The following PYGO2 variants were observed in gnomAD, a reference collection of about 807,000 sequenced individuals.
The protein encoded by PYGO2 is pygopus family PHD finger 2.
PYGO2 carries 9 observed loss-of-function variants against 26.7 expected under a neutral mutation model. The observed-to-expected ratio is 0.34, with a 90% CI of 0.20 to 0.59. PYGO2 has a LOEUF of 0.59. Ranked by LOEUF, PYGO2 falls within the 20% of genes least tolerant of loss-of-function variation. PYGO2 has a pLI of 0.84. For synonymous variants in PYGO2, 236 were observed against 219.0 expected (o/e 1.08, Z -0.68); for missense variants, 538 against 561.5 (o/e 0.96, Z 0.42).
At position 154,958,610 on chromosome 1, in the gene PYGO2, G is replaced by A. The variant is rs931654382; in HGVS notation, c.*169C>T. 1.2e-4 allele frequency: 75 copies of A among 614,600 alleles called. 1 individual carries two copies. The highest frequency in any genetic ancestry group is 4.4e-4 in the Middle Eastern group (1 of 2,296). The allele number at this position is 614,600 out of a possible 1,614,324, so 38.1% of individuals were successfully genotyped here. On this transcript the variant is annotated 3_prime_UTR_variant, in exon 3 of 3. Coordinates refer to ENST00000368457, the MANE Select transcript of PYGO2 (RefSeq NM_138300.4). ...TTTCCCAAAACAGTGAGCAATCCAG[G>A]CTCTTCTGCCTGCCCACCTCAATTC...
At position 154,960,966 on chromosome 1, in the gene PYGO2, C is replaced by T. The variant is rs774956230; in HGVS notation, c.153+11G>A. ...TGCTGGGAACCAAACCCACCACCAA[C>T]CACCATTCACCTGAGTATTTGACTT... is the stretch of plus-strand genomic sequence containing the variant. On this transcript the variant is annotated intron_variant, in intron 2 of 2. Coordinates refer to ENST00000368457, the MANE Select transcript of PYGO2 (RefSeq NM_138300.4). The T allele has an allele frequency of 3.7e-6, 6 of 1,613,908 alleles. No individual in the cohort carries two copies. In the East Asian group the frequency reaches 1.3e-4, roughly 36 times the overall value.
At chr1:154,960,936 G>T in intron 2 of PYGO2, 41 bp downstream of exon 2, 2 of 1,598,888 alleles carry the variant, frequency 1.3e-6, no homozygotes, top group Non-Finnish European at 1.7e-6. Flanking sequence ...GTGCCGCCAA[G>T]GGGCTGCTGG....
At position 154,961,562 on chromosome 1, in the gene PYGO2, C is replaced by T. The variant is rs1016432802; in HGVS notation, c.15G>A (p.Ala5=). The change falls in exon 1 of 3, where the codon GCG becomes GCA. Residue 5 remains alanine, a synonymous_variant. Transcript: ENST00000368457. MAAS[A]PPPPDKLEGG... ...CCTCCAGCTTGTCCGGTGGGGGCGG[C>T]GCCGAGGCGGCCATGGAGTGGGGGA... 4.4e-6 allele frequency: 6 copies of T among 1,375,776 alleles called. No homozygotes were observed. Among genetic ancestry groups the T allele is most frequent in the Non-Finnish European group, 5.6e-6 (6 of 1,071,100 alleles). 85.2% of individuals were successfully genotyped at this position (1,375,776 alleles called of 1,614,324 possible). A position where few individuals can be genotyped will look rare whatever the true frequency, so the allele number is the denominator to read the frequency against.
Position 154,958,585 on chromosome 1 carries a change from T to G in PYGO2, c.*194A>C. ...ATCTCTGTAGATCTCAACATGTAAG[T>G]TTCCCAAAACAGTGAGCAATCCAGG... is the stretch of plus-strand genomic sequence containing the variant. On this transcript the variant is annotated 3_prime_UTR_variant, in exon 3 of 3. Transcript: ENST00000368457. 1 of 584,234 alleles carries G rather than the reference T, an allele frequency of 1.7e-6. No individual in the cohort carries two copies. Among genetic ancestry groups the G allele is most frequent in the Non-Finnish European group, 3.0e-6 (1 of 329,516 alleles). The allele number at this position is 584,234 out of a possible 1,614,324, so 36.2% of individuals were successfully genotyped here. A position where few individuals can be genotyped will look rare whatever the true frequency, so the allele number is the denominator to read the frequency against.
At chr1:154,960,121 C>T (rs184586249) in intron 2 of PYGO2, among the ~76,000 whole-genome samples, 119 of 151,878 alleles carry the variant, frequency 7.8e-4, no homozygotes, top group African/African-American at 2.8e-3. Context: ...AAAAATTAGC[C>T]GGGCGTGGTG....
chr1:154,958,566 G>A lies in PYGO2; in HGVS notation c.*213C>T. ...CAGGGCTTTGGTTTCCTGGATCTCT[G>A]TAGATCTCAACATGTAAGTTTCCCA... On this transcript the variant is annotated 3_prime_UTR_variant, in exon 3 of 3. Coordinates refer to ENST00000368457, the MANE Select transcript of PYGO2 (RefSeq NM_138300.4). 3.5e-6 allele frequency: 2 copies of A among 575,074 alleles called. No individual in the cohort carries two copies. Among genetic ancestry groups the A allele is most frequent in the East Asian group, 2.9e-5 (1 of 34,514 alleles). The allele number at this position is 575,074 out of a possible 1,614,324, so 35.6% of individuals were successfully genotyped here.
chr1:154,961,381 CAG>C (rs1416435829), intron 1 of PYGO2, 91 bp downstream of exon 1: 25 of 843,710 alleles, frequency 3.0e-5, no homozygotes, highest in Middle Eastern at 2.5e-4. Flanking sequence ...TTCAAGCCTT[CAG>C]ACTGTGAAAC....
Position 154,959,617 on chromosome 1 carries a change from G to A in PYGO2, c.383C>T (p.Pro128Leu). Residue 128 changes from proline to leucine, a missense_variant, in exon 3 of 3, where the codon CCA becomes CTA. Around this residue, in one of 4 missense-constraint regions of PYGO2, gnomAD observed 381 missense variants for 336.6 expected, o/e 1.13. Transcript: ENST00000368457. The surrounding 1 kb of genome is among the most constrained non-coding windows in gnomAD (Gnocchi z 4.7). Reference protein sequence around the residue: ...YSTGGGGGPQPLRRQPPPFPP... With the variant: ...YSTGGGGGPQLLRRQPPPFPP... Reference sequence around the variant, plus strand: ...GAAGGGGGGTGGCTGTCGACGGAGTGGCTGGGGGCCCCCTCCACCTCCAGT... The same window carrying A: ...GAAGGGGGGTGGCTGTCGACGGAGTAGCTGGGGGCCCCCTCCACCTCCAGT... The A allele has an allele frequency of 6.9e-7, 1 of 1,446,958 alleles. No individual in the cohort carries two copies. Among genetic ancestry groups the A allele is most frequent in the South Asian group, 1.5e-5 (1 of 64,696 alleles). The allele number at this position is 1,446,958 out of a possible 1,614,324, so 89.6% of individuals were successfully genotyped here. A position where few individuals can be genotyped will look rare whatever the true frequency, so the allele number is the denominator to read the frequency against.
rs1373486387 is a variant in PYGO2 at position 154,959,178 on chromosome 1, C to A, written c.822G>T (p.Glu274Asp). ...NPPASTAFPQEPHSGSPAAAV... is the reference protein window; with the variant it reads ...NPPASTAFPQDPHSGSPAAAV... Reference sequence around the variant, plus strand: ...CAGCAGCCGGGGAGCCTGAGTGGGGCTCCTGGGGAAAAGCAGTAGAAGCAG... The same window carrying A: ...CAGCAGCCGGGGAGCCTGAGTGGGGATCCTGGGGAAAAGCAGTAGAAGCAG... Residue 274 changes from glutamate (E) to aspartate (D), a missense_variant, in exon 3 of 3, where the codon GAG becomes GAT. By Grantham distance (45) the Glu-to-Asp change is conservative (BLOSUM62 2). Transcript: ENST00000368457. This position sits in a 1 kb window ranked among gnomAD's most constrained non-coding sequence, Gnocchi z 4.7. 6.3e-7 allele frequency: 1 copy of A among 1,583,406 alleles called. No homozygotes were observed. The highest frequency in any genetic ancestry group is 8.6e-7 in the Non-Finnish European group (1 of 1,164,096).
In PYGO2 at chr1:154,961,401, G is replaced by A. The variant is rs1274510968; in HGVS notation, c.103+73C>T. On this transcript the variant is annotated intron_variant, in intron 1 of 2. Transcript: ENST00000368457. ...GCCTTCAGACTGTGAAACACCCCCCGCCCACCATCCCTCCCCTCTGAGGTT... is the reference window on the plus strand; with the variant it reads ...GCCTTCAGACTGTGAAACACCCCCCACCCACCATCCCTCCCCTCTGAGGTT... 4.1e-6 allele frequency: 4 copies of A among 976,550 alleles called. No homozygotes were observed. The East Asian group carries it at 9.1e-5, about 22-fold the overall frequency. The allele number at this position is 976,550 out of a possible 1,614,324, so 60.5% of individuals were successfully genotyped here.
At chr1:154,960,367 G>A (rs1389865394) in intron 2 of PYGO2, among the ~76,000 whole-genome samples, 1 of 142,796 alleles carries the variant, frequency 7.0e-6, no homozygotes, top group African/African-American at 2.6e-5. Flanking sequence ...TTGAGCCCAT[G>A]AGTTTGAGTA....
At position 154,959,080 on chromosome 1, in the gene PYGO2, C is replaced by A; in HGVS notation, c.920G>T (p.Ser307Ile). The stretch of plus-strand genomic sequence containing the variant: ...ACCTGCCTTGCCAGGGGGTGCCAAG[C>A]TGTTGGCATCTGGAGTGCCCCCACC... ...GRGGGTPDAN[S>I]LAPPGKAGGG... The change falls in exon 3 of 3, where the codon AGC becomes ATC. Residue 307 changes from serine to isoleucine, a missense_variant. Around this residue, in one of 4 missense-constraint regions of PYGO2, gnomAD observed 381 missense variants for 336.6 expected, o/e 1.13. Transcript: ENST00000368457. The surrounding 1 kb of genome is among the most constrained non-coding windows in gnomAD (Gnocchi z 4.7). 6.2e-7 allele frequency: 1 copy of A among 1,612,670 alleles called. No homozygotes were observed. Among genetic ancestry groups the A allele is most frequent in the Non-Finnish European group, 8.5e-7 (1 of 1,179,638 alleles).
In PYGO2 at chr1:154,959,532, G is replaced by A; in HGVS notation, c.468C>T (p.Pro156=). 1 of 1,476,942 alleles carries A rather than the reference G, an allele frequency of 6.8e-7. No homozygotes were observed. The highest frequency in any genetic ancestry group is 1.4e-5 in the South Asian group (1 of 69,472). The allele number at this position is 1,476,942 out of a possible 1,614,324, so 91.5% of individuals were successfully genotyped here. A position where few individuals can be genotyped will look rare whatever the true frequency, so the allele number is the denominator to read the frequency against. ...GGCTGGGAAAGTTCATGTTGCCTGG[G>A]GGTGGGTAGCCAGGACCCTGGGGGG... is the stretch of plus-strand genomic sequence containing the variant. ...NMPPQGPGYP[P]PGNMNFPSQP... The change falls in exon 3 of 3, where the codon CCC becomes CCT. Residue 156 remains proline, a synonymous_variant. Coordinates refer to ENST00000368457, the MANE Select transcript of PYGO2 (RefSeq NM_138300.4). This position sits in a 1 kb window ranked among gnomAD's most constrained non-coding sequence, Gnocchi z 4.7.
At position 154,957,259 on chromosome 1, in the gene PYGO2, G is replaced by A. The variant is rs189767206; in HGVS notation, c.*1520C>T. 604 of 152,700 alleles carry A rather than the reference G, an allele frequency of 4.0e-3. 5 individuals carry two copies. The highest frequency in any genetic ancestry group is 6.8e-3 in the South Asian group (33 of 4,836). 9.5% of individuals were successfully genotyped at this position (152,700 alleles called of 1,614,324 possible). On this transcript the variant is annotated 3_prime_UTR_variant, in exon 3 of 3. Transcript: ENST00000368457. Reference sequence around the variant, plus strand: ...ACAACAAACACAAGAGTTGAGCAGCGGGGTGGGGGTGGGGGGTTGCCATCT... The same window carrying A: ...ACAACAAACACAAGAGTTGAGCAGCAGGGTGGGGGTGGGGGGTTGCCATCT...
At chr1:154,961,051 G>A (rs1248479281) in intron 1 of PYGO2, 25 bp from the exon 2 acceptor site, 6 of 1,607,658 alleles carry the variant, frequency 3.7e-6, no homozygotes, top group South Asian at 1.1e-5. Flanking sequence ...AAAGGAAGAC[G>A]CAGACAAGTT....
Position 154,958,703 on chromosome 1 carries a change from A to C in PYGO2, c.*76T>G. ...GGAAAGCCAGTGGAAACAAGGACCA[A>C]GAGCCAAACATCAAAAAAATCACCC... On this transcript the variant is annotated 3_prime_UTR_variant, in exon 3 of 3. Transcript: ENST00000368457. 2 of 1,271,404 alleles carry C rather than the reference A, an allele frequency of 1.6e-6. No individual in the cohort carries two copies. The highest frequency in any genetic ancestry group is 2.4e-4 in the Middle Eastern group (1 of 4,196). The allele number at this position is 1,271,404 out of a possible 1,614,324, so 78.8% of individuals were successfully genotyped here.
rs750958564 is a variant in PYGO2 at position 154,959,434 on chromosome 1, C to T, written c.566G>A (p.Gly189Glu). 1.8e-5 allele frequency: 27 copies of T among 1,539,332 alleles called. No homozygotes were observed. The highest frequency in any genetic ancestry group is 2.3e-5 in the Non-Finnish European group (26 of 1,145,102). ...GGTGGGTGAGATCATGGGACCAAAT[C>T]CCCCCACTGGGCCCGGCATCATCTG... ...SGQMMPGPVG[G>E]FGPMISPTMG... The change falls in exon 3 of 3, where the codon GGA (glycine) becomes GAA (glutamate). Residue 189 changes from glycine (G) to glutamate (E), a missense_variant. Physicochemically the swap from Gly to Glu is moderately conservative, Grantham distance 98. This residue lies in a region of PYGO2 where 381 missense variants were observed against 336.6 expected (regional missense o/e 1.13). Coordinates refer to ENST00000368457, the MANE Select transcript of PYGO2 (RefSeq NM_138300.4). This position sits in a 1 kb window ranked among gnomAD's most constrained non-coding sequence, Gnocchi z 4.7.
chr1:154,959,615 G>A lies in PYGO2; in HGVS notation c.385C>T (p.Leu129Phe). 1 of 1,445,112 alleles carries A rather than the reference G, an allele frequency of 6.9e-7. No homozygotes were observed. Among genetic ancestry groups the A allele is most frequent in the Non-Finnish European group, 9.1e-7 (1 of 1,094,752 alleles). The allele number at this position is 1,445,112 out of a possible 1,614,324, so 89.5% of individuals were successfully genotyped here. A position where few individuals can be genotyped will look rare whatever the true frequency, so the allele number is the denominator to read the frequency against. ...GGGAAGGGGGGTGGCTGTCGACGGA[G>A]TGGCTGGGGGCCCCCTCCACCTCCA... Reference protein sequence around the residue: ...STGGGGGPQPLRRQPPPFPPN... With the variant: ...STGGGGGPQPFRRQPPPFPPN... The change falls in exon 3 of 3, where the codon CTC (leucine) becomes TTC (phenylalanine). Residue 129 changes from leucine (L) to phenylalanine (F), a missense_variant. Physicochemically the swap from Leu to Phe is conservative, Grantham distance 22. This residue lies in a region of PYGO2 where 381 missense variants were observed against 336.6 expected (regional missense o/e 1.13). Coordinates refer to ENST00000368457, the MANE Select transcript of PYGO2 (RefSeq NM_138300.4). This position sits in a 1 kb window ranked among gnomAD's most constrained non-coding sequence, Gnocchi z 4.7.
rs780116284 is a variant in PYGO2 at position 154,958,747 on chromosome 1, CAT to C, written c.*30_*31del. ...ATCACCCTGGAAGAGCAGGGAGAGA[CAT>C]GTGCACTTCCCTGGGCCACTTCACC... On this transcript the variant is annotated 3_prime_UTR_variant, in exon 3 of 3. Coordinates refer to ENST00000368457, the MANE Select transcript of PYGO2 (RefSeq NM_138300.4). 26 of 1,559,052 alleles carry C rather than the reference CAT, an allele frequency of 1.7e-5. No homozygotes were observed. The highest frequency in any genetic ancestry group is 1.0e-4 in the South Asian group (9 of 89,232).
Sources: allele counts gnomAD v4.1 joint callset (sites outside exome capture counted in the v4.1 genomes callset), GRCh38; gene constraint gnomAD v4.1.1; regional missense constraint gnomAD v4.1.1; non-coding constraint Gnocchi (gnomAD v3.1); transcripts MANE v1.5; gene names NCBI Gene and HGNC (gene_info 2026-07-23, HGNC 2026-07-21).